Variants in PLCE1 observed in about 807,000 individuals in gnomAD.
PLCE1 encodes the protein 1-phosphatidylinositol 4,5-bisphosphate phosphodiesterase epsilon-1.
PLCE1 carries 119 observed loss-of-function variants against 242.8 expected under a neutral mutation model. That is an observed-to-expected ratio of 0.49 (90% CI 0.42 to 0.57). The LOEUF is 0.57. Ranked by LOEUF, PLCE1 falls within the 20% of genes least tolerant of loss-of-function variation. The pLI, the probability that PLCE1 is intolerant of heterozygous loss-of-function variation, is 0.00. For synonymous variants in PLCE1, 945 were observed against 1,017.4 expected, an observed-to-expected ratio of 0.93 and a Z score of 1.35; for missense variants, 2,441 against 2,788.8, an observed-to-expected ratio of 0.88 and a Z score of 2.81.
chr10:94,171,905 C>A (rs181458932), intron 4 of PLCE1, among the ~76,000 whole-genome samples: 12 of 152,136 alleles, frequency 7.9e-5, no homozygotes, highest in Admixed American at 7.9e-4. Flanking sequence ...CCCCTGACCC[C>A]CTTCCATTAT....
chr10:94,310,501 G>T (rs1333751992), intron 27 of PLCE1, among the ~76,000 whole-genome samples: 1 of 152,132 alleles, frequency 6.6e-6, no homozygotes, highest in African/African-American at 2.4e-5. Flanking sequence ...TCAGGCGATT[G>T]CACCATGTGT....
At chr10:94,271,306 C>CTTTT (rs35048796) in intron 18 of PLCE1, among the ~76,000 whole-genome samples, 9 of 73,266 alleles carry the variant, frequency 1.2e-4, no homozygotes, top group Admixed American at 3.1e-4. Context: ...AGAAGATCAT[C>CTTTT]TTTTTTTTTT....
chr10:94,227,584 T>A, intron 5 of PLCE1, 133 bp downstream of exon 5: 1 of 903,644 alleles, frequency 1.1e-6, no homozygotes, highest in Non-Finnish European at 1.9e-6. Flanking sequence ...GGAAATGTAT[T>A]ATCTTCTTTC....
chr10:94,216,799 A>G (rs1488049509), intron 4 of PLCE1, among the ~76,000 whole-genome samples: 1 of 152,034 alleles, frequency 6.6e-6, no homozygotes, highest in Non-Finnish European at 1.5e-5. Flanking sequence ...GAATGCTAAA[A>G]TTCTGTTTCT....
chr10:94,275,315 A>G (rs568648598), intron 19 of PLCE1, among the ~76,000 whole-genome samples: 1 of 152,188 alleles, frequency 6.6e-6, no homozygotes, highest in East Asian at 1.9e-4. Context: ...TGTTGTGCCA[A>G]CTGTTCCTGA....
chr10:94,074,181 G>A (rs2044436474), intron 2 of PLCE1, among the ~76,000 whole-genome samples: 1 of 149,678 alleles, frequency 6.7e-6, no homozygotes, highest in Admixed American at 6.6e-5. Context: ...ATCATACCAA[G>A]CAGTTCTTTT....
chr10:94,112,031 C>T (rs148694413), intron 2 of PLCE1, among the ~76,000 whole-genome samples: 40 of 152,196 alleles, frequency 2.6e-4, no homozygotes, highest in African/African-American at 8.9e-4. Flanking sequence ...TACTTTATGA[C>T]GTGCTTTCCA....
intron 22 of PLCE1, among the ~76,000 whole-genome samples, chr10:94,285,504 A>G (rs960594591): frequency 2.0e-5 from 3 of 152,202 alleles, no homozygotes; most frequent in Non-Finnish European, 4.4e-5. Context: ...TAGCTTAACC[A>G]AGGTACATGC....
At chr10:94,153,998 C>CT (rs2047351480) in intron 3 of PLCE1, among the ~76,000 whole-genome samples, 1 of 152,094 alleles carries the variant, frequency 6.6e-6, no homozygotes, top group African/African-American at 2.4e-5. Context: ...TTCAACCTGT[C>CT]TTTTTTGCAG....
At chr10:94,272,796 C>G (rs2133160477) in intron 18 of PLCE1, among the ~76,000 whole-genome samples, 1 of 152,230 alleles carries the variant, frequency 6.6e-6, no homozygotes, top group South Asian at 2.1e-4. Context: ...AAATGAGGCT[C>G]TCAGTGGGAA....
At chr10:94,282,376 G>T (rs1490378127) in intron 20 of PLCE1, among the ~76,000 whole-genome samples, 1 of 151,998 alleles carries the variant, frequency 6.6e-6, no homozygotes, top group East Asian at 1.9e-4. Flanking sequence ...TCCCAACCTT[G>T]TTGTTTACCT....
chr10:94,219,674 C>T (rs1475293876), intron 4 of PLCE1, among the ~76,000 whole-genome samples: 4 of 152,044 alleles, frequency 2.6e-5, no homozygotes, highest in African/African-American at 9.7e-5. Flanking sequence ...ACAAAACCCC[C>T]TACACAAGGA....
intron 22 of PLCE1, among the ~76,000 whole-genome samples, chr10:94,292,205 G>A (rs539814519): frequency 1.1e-4 from 16 of 152,122 alleles, no homozygotes; most frequent in Non-Finnish European, 1.5e-4. Context: ...AACCTTAGAA[G>A]CCCCACATTA....
chr10:94,235,856 C>A (rs1165858961), intron 6 of PLCE1, 59 bp from the exon 7 acceptor site: 53 of 1,524,476 alleles, frequency 3.5e-5, no homozygotes, highest in Non-Finnish European at 4.6e-5. Context: ...TTTCCCTAGC[C>A]AAGTATGTTA....
At chr10:94,244,195 G>A (rs1020145198) in intron 7 of PLCE1, among the ~76,000 whole-genome samples, 2 of 152,114 alleles carry the variant, frequency 1.3e-5, no homozygotes, top group African/African-American at 2.4e-5. Context: ...CTTGTTCAGG[G>A]ACCATAGTCT....
chr10:94,137,147 C>A (rs1475325325), intron 3 of PLCE1, among the ~76,000 whole-genome samples: 1 of 152,054 alleles, frequency 6.6e-6, no homozygotes, highest in Non-Finnish European at 1.5e-5. Flanking sequence ...GAGCCAAGAT[C>A]ACGCCACTGC....
chr10:94,119,376 T>C (rs992456779), intron 2 of PLCE1, among the ~76,000 whole-genome samples: 6 of 152,176 alleles, frequency 3.9e-5, no homozygotes, highest in African/African-American at 1.4e-4. Context: ...CATGTCCATA[T>C]AGCTTGCATA....
intron 10 of PLCE1, among the ~76,000 whole-genome samples, chr10:94,254,563 T>C (rs754964764): frequency 6.6e-6 from 1 of 152,214 alleles, no homozygotes; most frequent in Non-Finnish European, 1.5e-5. Flanking sequence ...AAACCAGTGA[T>C]TCTCAACCTT....
intron 2 of PLCE1, chr10:94,089,177 G>A (rs1255945491): frequency 6.2e-7 from 1 of 1,613,874 alleles, no homozygotes; most frequent in African/African-American, 1.3e-5. Flanking sequence ...TTCTGCAAAG[G>A]GATTAAGATT....
Sources: allele counts gnomAD v4.1 joint callset (sites outside exome capture counted in the v4.1 genomes callset), GRCh38; gene constraint gnomAD v4.1.1; transcripts MANE v1.5; gene names NCBI Gene and HGNC (gene_info 2026-07-23, HGNC 2026-07-21).